Variants in CCDC149 observed in about 807,000 individuals in gnomAD.
CCDC149 encodes coiled-coil domain-containing protein 149.
A neutral mutation model predicts 59.9 loss-of-function variants in CCDC149; 45 were observed. That is an observed-to-expected ratio of 0.75 (90% CI 0.59 to 0.96). The LOEUF (loss-of-function observed/expected upper bound fraction) is 0.96. Among genes scored for constraint, CCDC149 ranks in the 40% least tolerant of loss-of-function variants. CCDC149 has a pLI of 0.00. For missense variants in CCDC149, 584 were observed against 664.7 expected, an observed-to-expected ratio of 0.88 and a Z score of 1.33; for synonymous variants, 245 against 260.6, an observed-to-expected ratio of 0.94 and a Z score of 0.58.
intron 1 of CCDC149, among the ~76,000 whole-genome samples, chr4:24,938,926 C>T (rs1392160916): frequency 2.0e-5 from 3 of 152,236 alleles, no homozygotes; most frequent in African/African-American, 7.2e-5. Context: ...CCCACCACAG[C>T]TCAAGGAGGA....
chr4:24,921,538 C>G (rs750785847), intron 1 of CCDC149, among the ~76,000 whole-genome samples: 1 of 152,180 alleles, frequency 6.6e-6, no homozygotes, highest in Non-Finnish European at 1.5e-5. Context: ...AAGAGGTAGG[C>G]AAAGCCCTGG....
At chr4:24,826,781 G>A (rs1715775824) in intron 9 of CCDC149, among the ~76,000 whole-genome samples, 1 of 152,202 alleles carries the variant, frequency 6.6e-6, no homozygotes, top group African/African-American at 2.4e-5. Flanking sequence ...CAGGACAGTA[G>A]AGGGGATGAA....
chr4:24,819,203 T>A (rs1246872940), intron 12 of CCDC149, among the ~76,000 whole-genome samples: 1 of 152,226 alleles, frequency 6.6e-6, no homozygotes, highest in African/African-American at 2.4e-5. Flanking sequence ...GAGGTAGACA[T>A]GATCATGTCA....
chr4:24,916,657 G>A (rs996980128), upstream of CCDC149, among the ~76,000 whole-genome samples: 3 of 152,038 alleles, frequency 2.0e-5, no homozygotes, highest in African/African-American at 4.8e-5. Flanking sequence ...ATTTTGGCCG[G>A]GCTTCTCTCT....
intron 1 of CCDC149, among the ~76,000 whole-genome samples, chr4:24,949,447 G>T (rs1398023202): frequency 6.6e-6 from 1 of 150,506 alleles, no homozygotes; most frequent in Non-Finnish European, 1.5e-5. Flanking sequence ...AGGGAGGGGG[G>T]GTGGTGGGGG....
intron 12 of CCDC149, among the ~76,000 whole-genome samples, chr4:24,814,655 A>G (rs1339308581): frequency 6.6e-6 from 1 of 152,240 alleles, no homozygotes; most frequent in African/African-American, 2.4e-5. Flanking sequence ...CAGTTTGAGC[A>G]GCACTGCAGG....
chr4:24,868,428 T>C lies in CCDC149; in HGVS notation c.264+5253A>G, dbSNP rs548146828. Among the ~76,000 whole-genome samples the C allele has an allele frequency of 1.1e-4, 16 of 152,328 alleles. No homozygotes were observed. In the South Asian group the frequency reaches 3.3e-3, roughly 32 times the overall value. ...TTCTTTTTTCCAACTCCTAGAGCTA[T>C]TTCCCCACTTGTTTACCCATTAATA... On this transcript the variant is annotated intron_variant, in intron 3 of 12. Coordinates refer to ENST00000635206, the MANE Select transcript of CCDC149 (RefSeq NM_001330643.2).
At chr4:24,952,156 A>G (rs1560267530) in intron 1 of CCDC149, among the ~76,000 whole-genome samples, 1 of 152,324 alleles carries the variant, frequency 6.6e-6, no homozygotes, top group East Asian at 1.9e-4. Context: ...ATGGTGAAGC[A>G]TACGTGTACA....
At chr4:24,868,537 A>T (rs1718834823) in intron 3 of CCDC149, among the ~76,000 whole-genome samples, 1 of 152,136 alleles carries the variant, frequency 6.6e-6, no homozygotes. Flanking sequence ...TATTTTAATT[A>T]CTTTGTATGT....
intron 4 of CCDC149, among the ~76,000 whole-genome samples, chr4:24,850,235 A>G (rs945973656): frequency 3.3e-5 from 5 of 151,500 alleles, no homozygotes; most frequent in Admixed American, 1.3e-4. Flanking sequence ...CATTCCTTCA[A>G]TAGAGATTAT....
chr4:24,952,191 G>A (rs1285327856), intron 1 of CCDC149, among the ~76,000 whole-genome samples: 1 of 152,160 alleles, frequency 6.6e-6, no homozygotes, highest in African/African-American at 2.4e-5. Context: ...GTGTGCTAAC[G>A]TGCACGCCTC....
At chr4:24,804,428 T>G (rs923812266), downstream of CCDC149, among the ~76,000 whole-genome samples, 1 of 145,230 alleles carries the variant, frequency 6.9e-6, no homozygotes, top group Non-Finnish European at 1.5e-5. Context: ...GAAGTGGAGG[T>G]TGCAGTGAGC....
chr4:24,948,554 G>T (rs1465347434), intron 1 of CCDC149, among the ~76,000 whole-genome samples: 1 of 152,154 alleles, frequency 6.6e-6, no homozygotes, highest in Non-Finnish European at 1.5e-5. Flanking sequence ...CCAGCAGGAG[G>T]TGCCCATAGA....
chr4:24,874,972 A>T (rs1577437428), intron 2 of CCDC149, among the ~76,000 whole-genome samples: 5 of 152,360 alleles, frequency 3.3e-5, no homozygotes, highest in African/African-American at 1.2e-4. Flanking sequence ...TACAAAAATT[A>T]TGGATATGTC....
At chr4:24,847,886 G>C (rs569213609) in intron 4 of CCDC149, among the ~76,000 whole-genome samples, 7 of 152,258 alleles carry the variant, frequency 4.6e-5, no homozygotes, top group African/African-American at 1.7e-4. Flanking sequence ...ATTTGTCATG[G>C]TACCAGTATT....
intron 7 of CCDC149, among the ~76,000 whole-genome samples, chr4:24,835,830 C>T (rs1416593860): frequency 6.6e-6 from 1 of 152,120 alleles, no homozygotes; most frequent in Non-Finnish European, 1.5e-5. Flanking sequence ...AATCAATCTA[C>T]TTTCCAAGCA....
At chr4:24,857,398 C>T (rs1718079420) in intron 3 of CCDC149, among the ~76,000 whole-genome samples, 2 of 151,934 alleles carry the variant, frequency 1.3e-5, no homozygotes. Context: ...GACATAAAAC[C>T]ATGCTGTCAA....
chr4:24,977,030 G>T (rs1316425940), intron 1 of CCDC149, among the ~76,000 whole-genome samples: 1 of 152,320 alleles, frequency 6.6e-6, no homozygotes, highest in East Asian at 1.9e-4. Flanking sequence ...AGACAGGCAT[G>T]CAGGATTGGC....
intron 1 of CCDC149, among the ~76,000 whole-genome samples, chr4:24,957,773 A>G (rs565365516): frequency 6.6e-6 from 1 of 152,356 alleles, no homozygotes; most frequent in Non-Finnish European, 1.5e-5. Flanking sequence ...ATTGCTTACA[A>G]AAGCAAAAAT....
Sources: allele counts gnomAD v4.1 joint callset (sites outside exome capture counted in the v4.1 genomes callset), GRCh38; gene constraint gnomAD v4.1.1; transcripts MANE v1.5; gene names NCBI Gene and HGNC (gene_info 2026-07-23, HGNC 2026-07-21).